HAO1: variants seen among roughly 807,000 people sequenced by gnomAD.
The protein encoded by HAO1 is hydroxyacid oxidase 1.
Under a neutral mutation model 39.7 loss-of-function variants are expected in HAO1, and 34 were observed. The ratio of observed to expected loss-of-function variants is 0.86; its 90% CI spans 0.65 to 1.14. The LOEUF (loss-of-function observed/expected upper bound fraction) is 1.14. HAO1 is among the 50% of genes most tolerant of loss of function. HAO1 has a pLI of 0.00. For synonymous variants in HAO1, 172 were observed against 173.2 expected, an observed-to-expected ratio of 0.99 and a Z score of 0.05; for missense variants, 479 against 464.5, an observed-to-expected ratio of 1.03 and a Z score of -0.29.
At chr20:7,889,749 T>C (rs1352352313) in intron 5 of HAO1, among the ~76,000 whole-genome samples, 1 of 152,202 alleles carries the variant, frequency 6.6e-6, no homozygotes, top group East Asian at 1.9e-4. Context: ...AAATTACTTG[T>C]GCACCAACCT....
chr20:7,928,272 A>G (rs1048100707), intron 2 of HAO1, among the ~76,000 whole-genome samples: 13 of 152,206 alleles, frequency 8.5e-5, no homozygotes, highest in African/African-American at 2.9e-4. Flanking sequence ...GTGGGCTGAC[A>G]TAAAGTGCGT....
At chr20:7,912,478 A>T (rs1172623591) in intron 3 of HAO1, among the ~76,000 whole-genome samples, 1 of 152,174 alleles carries the variant, frequency 6.6e-6, no homozygotes, top group African/African-American at 2.4e-5. Flanking sequence ...TAAGAGATGG[A>T]GGAAAAGGAA....
chr20:7,909,007 C>A (rs2050262867), intron 3 of HAO1, among the ~76,000 whole-genome samples: 1 of 152,046 alleles, frequency 6.6e-6, no homozygotes, highest in Non-Finnish European at 1.5e-5. Flanking sequence ...AGAAAAACAT[C>A]TGTATGTGTA....
At position 7,883,547 on chromosome 20, in the gene HAO1, T is replaced by C. The variant is rs757831448; in HGVS notation, c.*46A>G. 4.3e-6 allele frequency: 6 copies of C among 1,385,936 alleles called. No individual in the cohort carries two copies. The East Asian group carries it at 1.1e-4, about 26-fold the overall frequency. 85.9% of individuals were successfully genotyped at this position (1,385,936 alleles called of 1,614,324 possible). A position where few individuals can be genotyped will look rare whatever the true frequency, so the allele number is the denominator to read the frequency against. On this transcript the variant is annotated 3_prime_UTR_variant, in exon 8 of 8. Transcript: ENST00000378789. Reference sequence around the variant, plus strand: ...TGCACAGTGTCTCTTTGTCAAGTAATACATGCTGAAAAAAAATAATACAGA... The same window carrying C: ...TGCACAGTGTCTCTTTGTCAAGTAACACATGCTGAAAAAAAATAATACAGA...
chr20:7,920,339 T>G (rs1330515228), intron 2 of HAO1, among the ~76,000 whole-genome samples: 1 of 152,140 alleles, frequency 6.6e-6, no homozygotes, highest in Non-Finnish European at 1.5e-5. Flanking sequence ...AAACCTCTTT[T>G]CTTTATAAAT....
intron 5 of HAO1, among the ~76,000 whole-genome samples, chr20:7,886,200 G>A (rs1029046217): frequency 7.2e-5 from 11 of 151,814 alleles, no homozygotes; most frequent in Non-Finnish European, 1.6e-4. Flanking sequence ...TTGAGAGAGG[G>A]TCTTGCTCTG....
At chr20:7,890,663 C>G (rs551285629) in intron 5 of HAO1, among the ~76,000 whole-genome samples, 3 of 152,276 alleles carry the variant, frequency 2.0e-5, no homozygotes, top group African/African-American at 7.2e-5. Flanking sequence ...GCAGTATACA[C>G]TGCACCATAT....
intron 1 of HAO1, among the ~76,000 whole-genome samples, chr20:7,939,407 T>C (rs1163760692): frequency 6.6e-6 from 1 of 152,160 alleles, no homozygotes; most frequent in Admixed American, 6.6e-5. Flanking sequence ...AGTGATTTTG[T>C]TGTAGACTAA....
chr20:7,901,328 C>T (rs1282685685), intron 4 of HAO1, among the ~76,000 whole-genome samples: 1 of 152,108 alleles, frequency 6.6e-6, no homozygotes, highest in Non-Finnish European at 1.5e-5. Context: ...ACAAGCCTTC[C>T]TCATACTGGA....
chr20:7,920,006 C>A (rs1430309407), intron 2 of HAO1, among the ~76,000 whole-genome samples: 1 of 152,116 alleles, frequency 6.6e-6, no homozygotes, highest in Non-Finnish European at 1.5e-5. Flanking sequence ...ATATTCATCA[C>A]CTCACCAACT....
At chr20:7,893,585 A>G (rs1015085123) in intron 5 of HAO1, among the ~76,000 whole-genome samples, 2 of 152,136 alleles carry the variant, frequency 1.3e-5, no homozygotes, top group African/African-American at 4.8e-5. Context: ...ATCAGTTGGC[A>G]CCACTGTCTG....
intron 4 of HAO1, among the ~76,000 whole-genome samples, chr20:7,898,827 T>C (rs1447588469): frequency 6.6e-6 from 1 of 152,098 alleles, no homozygotes; most frequent in East Asian, 1.9e-4. Context: ...GTATTTATTT[T>C]AAAAACCTAG....
At chr20:7,930,315 G>A (rs1204143502) in intron 2 of HAO1, among the ~76,000 whole-genome samples, 1 of 152,020 alleles carries the variant, frequency 6.6e-6, no homozygotes, top group African/African-American at 2.4e-5. Flanking sequence ...TTGCTTGAGA[G>A]GATTTCCATA....
intron 5 of HAO1, 98 bp downstream of exon 5, chr20:7,895,035 C>T: frequency 1.2e-6 from 1 of 804,512 alleles, no homozygotes; most frequent in South Asian, 1.5e-5. Flanking sequence ...TGAGTGATTA[C>T]ACAAAGTACA....
intron 3 of HAO1, 75 bp downstream of exon 3, chr20:7,914,088 CA>C: frequency 6.7e-7 from 1 of 1,500,190 alleles, no homozygotes. Flanking sequence ...ACGTTGCTAT[CA>C]GTAGAACCCA....
In HAO1 at chr20:7,885,515, T is replaced by C; in HGVS notation, c.1042+6A>G. 6.3e-7 allele frequency: 1 copy of C among 1,580,020 alleles called. No homozygotes were observed. Among genetic ancestry groups the C allele is most frequent in the East Asian group, 2.2e-5 (1 of 44,600 alleles). Reference sequence around the variant, plus strand: ...AAAGAAAGTTGTAAACAAGAATGAGTCTTACCACTCAGAGCCATGGCCAAC... The same window carrying C: ...AAAGAAAGTTGTAAACAAGAATGAGCCTTACCACTCAGAGCCATGGCCAAC... On this transcript the variant is annotated splice_donor_region_variant and intron_variant, in intron 7 of 7. Transcript: ENST00000378789.
intron 2 of HAO1, 112 bp downstream of exon 2, chr20:7,934,372 A>T: frequency 1.4e-6 from 1 of 726,484 alleles, no homozygotes; most frequent in East Asian, 2.8e-5. Flanking sequence ...CCATGAGCTT[A>T]ATGTTTCTGA....
chr20:7,934,444 T>C (rs2050400301), intron 2 of HAO1, 40 bp downstream of exon 2: 1 of 1,537,464 alleles, frequency 6.5e-7, no homozygotes, highest in African/African-American at 1.4e-5. Flanking sequence ...CGATAAACGT[T>C]AGCCTCCTTC....
At chr20:7,936,924 T>G (rs2050415247) in intron 1 of HAO1, among the ~76,000 whole-genome samples, 1 of 152,130 alleles carries the variant, frequency 6.6e-6, no homozygotes, top group African/African-American at 2.4e-5. Context: ...CAAATTTAAG[T>G]AAATTTCCCA....
Sources: allele counts gnomAD v4.1 joint callset (sites outside exome capture counted in the v4.1 genomes callset), GRCh38; gene constraint gnomAD v4.1.1; transcripts MANE v1.5; gene names NCBI Gene and HGNC (gene_info 2026-07-23, HGNC 2026-07-21).